The following CALN1 variants were observed in gnomAD, a reference collection of about 807,000 sequenced individuals.
CALN1 encodes calcium-binding protein 8.
A neutral mutation model predicts 30.6 loss-of-function variants in CALN1; 17 were observed. The ratio of observed to expected loss-of-function variants is 0.56; its 90% CI spans 0.38 to 0.83. CALN1 has a LOEUF of 0.83. Ranked by LOEUF, CALN1 falls within the 40% of genes least tolerant of loss-of-function variation. The pLI, the probability that CALN1 is intolerant of heterozygous loss-of-function variation, is 0.00. For missense variants in CALN1, 291 were observed against 354.9 expected (o/e 0.82, Z 1.45); for synonymous variants, 156 against 131.4 (o/e 1.19, Z -1.28).
At chr7:72,054,392 C>A (rs1803042615) in intron 4 of CALN1, among the ~76,000 whole-genome samples, 1 of 58,614 alleles carries the variant, frequency 1.7e-5, no homozygotes, top group Admixed American at 2.0e-4. Context: ...TTGTTGGCTG[C>A]ATATATGTAC....
chr7:71,813,077 A>T (rs928340733), intron 5 of CALN1, among the ~76,000 whole-genome samples: 3 of 151,804 alleles, frequency 2.0e-5, no homozygotes, highest in Admixed American at 2.0e-4. Context: ...CCCTCCCAAG[A>T]AGCTGGGATT....
intron 2 of CALN1, among the ~76,000 whole-genome samples, chr7:72,371,153 C>T (rs1295573414): frequency 1.3e-5 from 2 of 151,444 alleles, no homozygotes; most frequent in Non-Finnish European, 2.9e-5. Flanking sequence ...AAAAATTTGC[C>T]TAACCTAGGG....
chr7:72,156,561 A>C (rs889552923), intron 3 of CALN1, among the ~76,000 whole-genome samples: 6 of 152,140 alleles, frequency 3.9e-5, no homozygotes, highest in Non-Finnish European at 8.8e-5. Context: ...GCCAGCACAG[A>C]GCCATCCCTT....
chr7:72,230,136 G>A (rs945888966), intron 3 of CALN1, among the ~76,000 whole-genome samples: 4 of 151,682 alleles, frequency 2.6e-5, no homozygotes, highest in Admixed American at 6.6e-5. Context: ...GCAAGACTCC[G>A]TCTCAAAAAA....
At chr7:72,313,261 G>A (rs1215909262) in intron 2 of CALN1, among the ~76,000 whole-genome samples, 1 of 152,056 alleles carries the variant, frequency 6.6e-6, no homozygotes, top group Non-Finnish European at 1.5e-5. Flanking sequence ...TAACAAAAAC[G>A]ACATTTCTAA....
chr7:72,113,304 T>C (rs1807707891), intron 3 of CALN1, among the ~76,000 whole-genome samples: 1 of 152,092 alleles, frequency 6.6e-6, no homozygotes, highest in Non-Finnish European at 1.5e-5. Context: ...CTCTCTCTCT[T>C]GCTTCCTCTC....
At chr7:71,849,558 AATCT>A (rs1287224243) in intron 5 of CALN1, among the ~76,000 whole-genome samples, 2 of 151,938 alleles carry the variant, frequency 1.3e-5, no homozygotes, top group Admixed American at 6.6e-5. Flanking sequence ...TGCTATTTTA[AATCT>A]ATCTAATTGG....
At chr7:71,954,609 G>A (rs965019402) in intron 5 of CALN1, among the ~76,000 whole-genome samples, 3 of 152,214 alleles carry the variant, frequency 2.0e-5, no homozygotes, top group Admixed American at 6.5e-5. Flanking sequence ...CTGTGATCAC[G>A]CCACTGTACT....
intron 3 of CALN1, among the ~76,000 whole-genome samples, chr7:72,232,591 G>C (rs751468898): frequency 4.7e-5 from 7 of 149,232 alleles, no homozygotes; most frequent in Non-Finnish European, 1.0e-4. Context: ...CTCCCAAACA[G>C]CTGGGATTAC....
intron 6 of CALN1, among the ~76,000 whole-genome samples, chr7:71,804,334 C>T (rs1420458323): frequency 3.3e-5 from 5 of 152,004 alleles, no homozygotes; most frequent in African/African-American, 1.2e-4. Flanking sequence ...CACAGCAAGA[C>T]CCTGTTTCTA....
chr7:72,471,200 A>G, the CALN1 span, among the ~76,000 whole-genome samples: 1 of 152,128 alleles, frequency 6.6e-6, no homozygotes, highest in Non-Finnish European at 1.5e-5. Flanking sequence ...CAGCATTTCT[A>G]TTAAAGGAAC....
At chr7:72,327,308 G>C (rs1198055473) in intron 2 of CALN1, among the ~76,000 whole-genome samples, 1 of 152,168 alleles carries the variant, frequency 6.6e-6, no homozygotes, top group African/African-American at 2.4e-5. Flanking sequence ...AGCCTGGCCA[G>C]TATGGTGAAA....
intron 5 of CALN1, among the ~76,000 whole-genome samples, chr7:71,989,648 G>A (rs1798848562): frequency 6.6e-6 from 1 of 152,162 alleles, no homozygotes; most frequent in South Asian, 2.1e-4. Flanking sequence ...CAAATCGCAG[G>A]ATACTGGGAA....
intron 5 of CALN1, among the ~76,000 whole-genome samples, chr7:72,021,068 T>C (rs1222972560): frequency 6.6e-6 from 1 of 152,014 alleles, no homozygotes; most frequent in Admixed American, 6.6e-5. Context: ...GCTAGGAGTT[T>C]GAGACCAGCC....
intron 5 of CALN1, among the ~76,000 whole-genome samples, chr7:72,021,589 C>T (rs897088119): frequency 6.6e-6 from 1 of 152,124 alleles, no homozygotes; most frequent in African/African-American, 2.4e-5. Flanking sequence ...TGGATCCTAA[C>T]AACAGTTCAG....
At chr7:72,225,913 T>C (rs185112619) in intron 3 of CALN1, among the ~76,000 whole-genome samples, 54 of 152,098 alleles carry the variant, frequency 3.6e-4, no homozygotes, top group African/African-American at 1.2e-3. Context: ...CTGGCCAACA[T>C]GGTGAAACTC....
At chr7:72,407,914 G>A (rs1182906954) in intron 1 of CALN1, among the ~76,000 whole-genome samples, 2 of 152,068 alleles carry the variant, frequency 1.3e-5, no homozygotes, top group Non-Finnish European at 2.9e-5. Context: ...CGGAACCGGG[G>A]AAGATTGTCC....
At chr7:72,390,280 A>T (rs1805498221) in intron 2 of CALN1, among the ~76,000 whole-genome samples, 1 of 151,924 alleles carries the variant, frequency 6.6e-6, no homozygotes, top group African/African-American at 2.4e-5. Flanking sequence ...AATACAAAAA[A>T]ATTAGCGGGG....
chr7:72,419,608 A>G (rs1585709252), intron 1 of CALN1, among the ~76,000 whole-genome samples: 1 of 152,096 alleles, frequency 6.6e-6, no homozygotes, highest in East Asian at 1.9e-4. Context: ...CCCACCCTCA[A>G]GCTTGGAGCC....
Sources: allele counts gnomAD v4.1 joint callset (sites outside exome capture counted in the v4.1 genomes callset), GRCh38; gene constraint gnomAD v4.1.1; transcripts MANE v1.5; gene names NCBI Gene and HGNC (gene_info 2026-07-23, HGNC 2026-07-21).